Variants in PARP8 observed in about 807,000 individuals in gnomAD.
The protein encoded by PARP8 is protein mono-ADP-ribosyltransferase PARP8.
PARP8 carries 51 observed loss-of-function variants against 124.1 expected under a neutral mutation model. The ratio of observed to expected loss-of-function variants is 0.41; its 90% CI spans 0.33 to 0.52. PARP8 has a LOEUF of 0.52. Among genes scored for constraint, PARP8 ranks in the 20% least tolerant of loss-of-function variants. The pLI, the probability that PARP8 is intolerant of heterozygous loss-of-function variation, is 0.21. For missense variants in PARP8, 860 were observed against 1,018.9 expected (o/e 0.84, Z 2.12); for synonymous variants, 391 against 361.5 (o/e 1.08, Z -0.93).
intron 25 of PARP8, among the ~76,000 whole-genome samples, chr5:50,836,290 G>T (rs966874808): frequency 6.6e-5 from 10 of 152,114 alleles, no homozygotes; most frequent in South Asian, 6.2e-4. Flanking sequence ...ATATTGCCTG[G>T]TTGTATAACA....
intron 25 of PARP8, among the ~76,000 whole-genome samples, chr5:50,840,230 ATCTT>A (rs1748034493): frequency 6.6e-6 from 1 of 151,948 alleles, no homozygotes; most frequent in Non-Finnish European, 1.5e-5. Flanking sequence ...ATTCAATTCT[ATCTT>A]AATCACTTAA....
chr5:50,819,827 G>C (rs1387895108), intron 15 of PARP8, among the ~76,000 whole-genome samples: 1 of 152,112 alleles, frequency 6.6e-6, no homozygotes, highest in African/African-American at 2.4e-5. Context: ...AAAACAATCT[G>C]TATCAGGGTT....
intron 22 of PARP8, 119 bp downstream of exon 22, chr5:50,830,080 T>C: frequency 8.3e-7 from 1 of 1,199,818 alleles, no homozygotes; most frequent in Non-Finnish European, 1.1e-6. Flanking sequence ...TAAATTTGTT[T>C]GCTAAATGTC....
rs531199401 is a variant in PARP8 at position 50,840,816 on chromosome 5, C to A, written c.2463-1150C>A. Among the ~76,000 whole-genome samples the A allele has an allele frequency of 3.3e-5, 5 of 151,946 alleles. No individual in the cohort carries two copies. The East Asian group carries it at 9.7e-4, about 29-fold the overall frequency. ...AAAATATTTGTAATTGGGCTGTGTACCACATATCCCATTCTTTTTCTTAGG... is the reference window on the plus strand; with the variant it reads ...AAAATATTTGTAATTGGGCTGTGTAACACATATCCCATTCTTTTTCTTAGG... On this transcript the variant is annotated intron_variant, in intron 25 of 25. Transcript: ENST00000281631.
chr5:50,673,555 G>A (rs1372503844), intron 2 of PARP8, among the ~76,000 whole-genome samples: 2 of 152,188 alleles, frequency 1.3e-5, no homozygotes, highest in African/African-American at 4.8e-5. Context: ...ATTTAAGTAA[G>A]TTACAGTTAG....
chr5:50,754,099 T>C (rs1759556822), intron 3 of PARP8, among the ~76,000 whole-genome samples: 1 of 116,054 alleles, frequency 8.6e-6, no homozygotes, highest in African/African-American at 3.8e-5. Context: ...GTGAAGGAAT[T>C]TGAGTTTGAA....
chr5:50,829,324 C>T (rs1746690716), intron 21 of PARP8, among the ~76,000 whole-genome samples: 1 of 152,118 alleles, frequency 6.6e-6, no homozygotes, highest in Non-Finnish European at 1.5e-5. Context: ...ATTATGATGA[C>T]ATTTTAGATG....
At chr5:50,702,753 C>G (rs773699770) in intron 2 of PARP8, among the ~76,000 whole-genome samples, 1 of 152,134 alleles carries the variant, frequency 6.6e-6, no homozygotes, top group Non-Finnish European at 1.5e-5. Context: ...TCCTGTAGAG[C>G]TAATTGAGGT....
At chr5:50,777,600 C>T (rs2149608659) in intron 7 of PARP8, among the ~76,000 whole-genome samples, 1 of 151,776 alleles carries the variant, frequency 6.6e-6, no homozygotes, top group Admixed American at 6.6e-5. Context: ...ATTTAAGTGG[C>T]AGAACACTTG....
intron 2 of PARP8, among the ~76,000 whole-genome samples, chr5:50,719,795 A>T (rs111721107): frequency 0.015 from 2,244 of 152,174 alleles, 58 homozygotes; most frequent in African/African-American, 0.052. Flanking sequence ...AGAAGTTATA[A>T]AAAGAAATAT....
chr5:50,794,435 C>A (rs1742294804), intron 11 of PARP8, 103 bp downstream of exon 11: 1 of 1,327,300 alleles, frequency 7.5e-7, no homozygotes, highest in South Asian at 1.7e-5. Flanking sequence ...TGTTTATTTT[C>A]TTTATAACCT....
At chr5:50,821,147 A>T in intron 15 of PARP8, 66 bp from the exon 16 acceptor site, 1 of 1,578,418 alleles carries the variant, frequency 6.3e-7, no homozygotes, top group Non-Finnish European at 8.7e-7. Flanking sequence ...CTTGAGAGGG[A>T]GAAACAATGG....
intron 2 of PARP8, among the ~76,000 whole-genome samples, chr5:50,741,207 C>T (rs144813030): frequency 2.0e-5 from 3 of 152,058 alleles, no homozygotes; most frequent in Non-Finnish European, 4.4e-5. Context: ...ATTAAACTTT[C>T]GGGATGCAAT....
chr5:50,756,002 G>T (rs1012053126), intron 3 of PARP8, among the ~76,000 whole-genome samples: 8 of 152,138 alleles, frequency 5.3e-5, no homozygotes, highest in African/African-American at 1.9e-4. Flanking sequence ...TGGTGTATAA[G>T]AATGCTTGTG....
At chr5:50,715,676 T>G (rs1486226732) in intron 2 of PARP8, among the ~76,000 whole-genome samples, 1 of 152,022 alleles carries the variant, frequency 6.6e-6, no homozygotes, top group Non-Finnish European at 1.5e-5. Flanking sequence ...AGGTAAATAT[T>G]GAGAGAATAT....
chr5:50,813,506 G>A (rs1744720983), intron 14 of PARP8, among the ~76,000 whole-genome samples: 1 of 152,152 alleles, frequency 6.6e-6, no homozygotes, highest in Non-Finnish European at 1.5e-5. Context: ...AGACGATGGG[G>A]TTTTCTAAAT....
At chr5:50,800,329 T>G (rs766106382) in intron 14 of PARP8, among the ~76,000 whole-genome samples, 1 of 152,222 alleles carries the variant, frequency 6.6e-6, no homozygotes, top group African/African-American at 2.4e-5. Flanking sequence ...TATTAAGTTA[T>G]TTTTGGATTC....
intron 14 of PARP8, among the ~76,000 whole-genome samples, chr5:50,797,455 A>G (rs534270672): frequency 1.3e-5 from 2 of 152,030 alleles, no homozygotes; most frequent in Admixed American, 1.3e-4. Context: ...TATTTTTTAC[A>G]TATGTTTATC....
At chr5:50,838,461 T>TA (rs1294663571) in intron 25 of PARP8, among the ~76,000 whole-genome samples, 2 of 152,068 alleles carry the variant, frequency 1.3e-5, no homozygotes, top group Non-Finnish European at 2.9e-5. Context: ...ACACTAGTGA[T>TA]ATACCTCTTT....
Sources: allele counts gnomAD v4.1 joint callset (sites outside exome capture counted in the v4.1 genomes callset), GRCh38; gene constraint gnomAD v4.1.1; transcripts MANE v1.5; gene names NCBI Gene and HGNC (gene_info 2026-07-23, HGNC 2026-07-21).